ERO1B: variants seen among roughly 807,000 people sequenced by gnomAD.
ERO1B encodes ERO1-like protein beta.
ERO1B carries 49 observed loss-of-function variants against 75.3 expected under a neutral mutation model. The ratio of observed to expected loss-of-function variants is 0.65; its 90% confidence interval spans 0.52 to 0.83. The LOEUF (loss-of-function observed/expected upper bound fraction) is 0.83. Ranked by LOEUF, ERO1B falls within the 40% of genes least tolerant of loss-of-function variation. The pLI is 0.00. For missense variants in ERO1B, 512 were observed against 560.1 expected (o/e 0.91, Z 0.87); for synonymous variants, 191 against 192.9 (o/e 0.99, Z 0.08).
intron 9 of ERO1B, 27 bp from the exon 10 acceptor site, chr1:236,230,277 A>G: frequency 3.2e-6 from 5 of 1,556,994 alleles, no homozygotes; most frequent in Non-Finnish European, 3.5e-6. Flanking sequence ...AGTGGATTAA[A>G]ACATTATATG....
chr1:236,225,111 A>G lies in ERO1B; in HGVS notation c.1081T>C (p.Ser361Pro), dbSNP rs778442846. 6.2e-7 allele frequency: 1 copy of G among 1,614,008 alleles called. No individual in the cohort carries two copies. The highest frequency in any genetic ancestry group is 8.5e-7 in the Non-Finnish European group (1 of 1,179,924). The part of the protein sequence containing the change: ...KSFPMHFDEK[S>P]MFAGDKKGAK... ...CCTTTTTTGTCACCTGCAAACATGGATTTCTCATCAAAGTGCATGGGAAAG... is the reference window on the plus strand; with the variant it reads ...CCTTTTTTGTCACCTGCAAACATGGGTTTCTCATCAAAGTGCATGGGAAAG... Residue 361 changes from serine to proline, a missense_variant, in exon 13 of 16, where the codon TCC (serine) becomes CCC (proline). By Grantham distance (74) the Ser-to-Pro change is moderately conservative. Transcript: ENST00000354619.
intron 2 of ERO1B, among the ~76,000 whole-genome samples, chr1:236,257,534 A>C (rs2102959323): frequency 6.8e-6 from 1 of 147,512 alleles, no homozygotes; most frequent in East Asian, 2.4e-4. Context: ...AAGTTAAGAA[A>C]AATGAAGAAA....
At position 236,262,977 on chromosome 1, in the gene ERO1B, G is replaced by A. The variant is rs376290805; in HGVS notation, c.222+6898C>T. Among the ~76,000 whole-genome samples, 15 of 152,104 alleles carry A rather than the reference G, an allele frequency of 9.9e-5. No homozygotes were observed. In the East Asian group the frequency reaches 2.1e-3, roughly 22 times the overall value. The stretch of plus-strand genomic sequence containing the variant: ...AGAGATATAAAGGCCTATACCTCTC[G>A]TGCCAAATGGGGACGACTAACTCGG... On this transcript the variant is annotated intron_variant, in intron 2 of 15. Coordinates refer to ENST00000354619, the MANE Select transcript of ERO1B (RefSeq NM_019891.4).
intron 15 of ERO1B, chr1:236,220,254 G>GGA (rs1664106051): frequency 6.7e-6 from 1 of 148,930 alleles, no homozygotes; most frequent in Admixed American, 6.7e-5. Flanking sequence ...CTTCTGTTCT[G>GGA]TATTCCTCAG....
Position 236,236,785 on chromosome 1 carries a change from C to T in ERO1B, c.506-387G>A, listed in dbSNP as rs6671151. Among the ~76,000 whole-genome samples, 687 of 152,224 alleles carry T rather than the reference C, an allele frequency of 4.5e-3. 5 individuals are homozygous for T. The highest frequency in any genetic ancestry group is 0.015 in the African/African-American group (639 of 41,538). ...ATGATTTCTTCTCTAAGAATATATCCACCTAACCACGCACTTGGAAACATT... is the reference window on the plus strand; with the variant it reads ...ATGATTTCTTCTCTAAGAATATATCTACCTAACCACGCACTTGGAAACATT... On this transcript the variant is annotated intron_variant, in intron 6 of 15. Coordinates refer to ENST00000354619, the MANE Select transcript of ERO1B (RefSeq NM_019891.4).
Position 236,216,555 on chromosome 1 carries a change from C to A in ERO1B, c.*1961G>T, listed in dbSNP as rs1459022751. 1.3e-5 allele frequency: 2 copies of A among 151,980 alleles called. No homozygotes were observed. Among genetic ancestry groups the A allele is most frequent in the East Asian group, 3.9e-4 (2 of 5,188 alleles). The allele number at this position is 151,980 out of a possible 1,614,324, so 9.4% of individuals were successfully genotyped here. A position where few individuals can be genotyped will look rare whatever the true frequency, so the allele number is the denominator to read the frequency against. On this transcript the variant is annotated 3_prime_UTR_variant, in exon 16 of 16. Coordinates refer to ENST00000354619, the MANE Select transcript of ERO1B (RefSeq NM_019891.4). Reference sequence around the variant, plus strand: ...AAAGAACTTTTTACTCTAACCAGATCTTTTAATTTCCTAGAACATACTCTA... The same window carrying A: ...AAAGAACTTTTTACTCTAACCAGATATTTTAATTTCCTAGAACATACTCTA...
At chr1:236,243,855 G>A (rs1018922284) in intron 5 of ERO1B, among the ~76,000 whole-genome samples, 9 of 151,930 alleles carry the variant, frequency 5.9e-5, no homozygotes, top group African/African-American at 1.7e-4. Context: ...TATTTTTTCC[G>A]AAGTAATTAA....
chr1:236,254,519 C>T (rs1665114204), intron 2 of ERO1B, among the ~76,000 whole-genome samples: 2 of 152,218 alleles, frequency 1.3e-5, no homozygotes, highest in Non-Finnish European at 2.9e-5. Context: ...ATAACCTGGC[C>T]TCTGGCCTAT....
intron 2 of ERO1B, among the ~76,000 whole-genome samples, chr1:236,257,953 A>T (rs952874823): frequency 5.3e-5 from 8 of 151,646 alleles, no homozygotes; most frequent in Non-Finnish European, 1.0e-4. Flanking sequence ...GCAGAATTAC[A>T]CACATTATCA....
At chr1:236,259,294 C>T (rs6662284) in intron 2 of ERO1B, among the ~76,000 whole-genome samples, 10,461 of 152,052 alleles carry the variant, frequency 0.069, 747 homozygotes, top group East Asian at 0.39. Context: ...CATCAAACCA[C>T]AAAGGAAAAC....
At chr1:236,227,998 T>TCTTCTACTAAAAA (rs1176945521) in intron 10 of ERO1B, among the ~76,000 whole-genome samples, 54 of 152,244 alleles carry the variant, frequency 3.5e-4, no homozygotes, top group African/African-American at 1.3e-3. Flanking sequence ...CATTAAGTAC[T>TCTTCTACTAAAAA]AACTTCTCTT....
At chr1:236,258,953 C>G (rs780493328) in intron 2 of ERO1B, among the ~76,000 whole-genome samples, 2 of 152,032 alleles carry the variant, frequency 1.3e-5, no homozygotes, top group Non-Finnish European at 2.9e-5. Flanking sequence ...CATACAAACT[C>G]AGAACACTAT....
At chr1:236,280,574 T>C (rs1218528629) in intron 1 of ERO1B, among the ~76,000 whole-genome samples, 6 of 152,174 alleles carry the variant, frequency 3.9e-5, no homozygotes, top group African/African-American at 1.4e-4. Context: ...ATACCAAAAA[T>C]TTGCCCCTTT....
At chr1:236,261,716 G>A (rs939465484) in intron 2 of ERO1B, among the ~76,000 whole-genome samples, 37 of 152,182 alleles carry the variant, frequency 2.4e-4, no homozygotes, top group Admixed American at 2.3e-3. Flanking sequence ...ATCACCTAAA[G>A]TGATCTACAG....
intron 3 of ERO1B, 27 bp from the exon 4 acceptor site, chr1:236,252,118 A>C (rs1431040921): frequency 2.7e-6 from 4 of 1,469,582 alleles, no homozygotes; most frequent in Middle Eastern, 1.8e-4. Context: ...AAGCAAAAAA[A>C]TTTTTAAGTG....
intron 2 of ERO1B, among the ~76,000 whole-genome samples, chr1:236,260,267 A>C (rs1161954834): frequency 6.6e-6 from 1 of 152,238 alleles, no homozygotes; most frequent in Non-Finnish European, 1.5e-5. Context: ...ATATTACTAG[A>C]AACATGCAGC....
At chr1:236,245,330 G>A (rs1291785811) in intron 5 of ERO1B, among the ~76,000 whole-genome samples, 5 of 15,354 alleles carry the variant, frequency 3.3e-4, no homozygotes, top group Admixed American at 9.2e-4. Context: ...ATACACACAC[G>A]TATATATATA....
chr1:236,241,248 T>G (rs16833516), intron 6 of ERO1B, among the ~76,000 whole-genome samples: 2,436 of 152,158 alleles, frequency 0.016, 60 homozygotes, highest in African/African-American at 0.054. Flanking sequence ...ACAGTAATTT[T>G]AAAAACTACT....
At chr1:236,225,270 A>C (rs879354132) in intron 12 of ERO1B, 131 bp from the exon 13 acceptor site, 25 of 857,000 alleles carry the variant, frequency 2.9e-5, no homozygotes, top group Non-Finnish European at 4.4e-5. Context: ...AGTTTTGGTA[A>C]TGTAGAAAAG....
Sources: allele counts gnomAD v4.1 joint callset (sites outside exome capture counted in the v4.1 genomes callset), GRCh38; gene constraint gnomAD v4.1.1; transcripts MANE v1.5; gene names NCBI Gene and HGNC (gene_info 2026-07-23, HGNC 2026-07-21).